Variants in ATP6V0A2 observed in about 807,000 individuals in gnomAD.
ATP6V0A2 encodes V-type proton ATPase 116 kDa subunit a 2.
A neutral mutation model predicts 104.4 loss-of-function variants in ATP6V0A2; 58 were observed. The observed-to-expected ratio is 0.56, with a 90% confidence interval of 0.45 to 0.69. ATP6V0A2 has a LOEUF of 0.69. ATP6V0A2 is among the 30% of genes least tolerant of loss of function. The pLI is 0.00. For synonymous variants in ATP6V0A2, 376 were observed against 397.9 expected, an observed-to-expected ratio of 0.95 and a Z score of 0.65; for missense variants, 938 against 1,062.9, an observed-to-expected ratio of 0.88 and a Z score of 1.63.
chr12:123,723,007 C>T (rs1956415034), intron 3 of ATP6V0A2, among the ~76,000 whole-genome samples: 1 of 152,198 alleles, frequency 6.6e-6, no homozygotes, highest in South Asian at 2.1e-4. Context: ...TGAGAACACT[C>T]ACCTGTGCTG....
chr12:123,748,697 C>T lies in ATP6V0A2; in HGVS notation c.1847C>T (p.Thr616Ile). ...AAGTGGCTGGTTTTTTCAGCAGAAACCTCCAGAGTTGCTCCCAGCATTCTG... is the reference window on the plus strand; with the variant it reads ...AAGTGGCTGGTTTTTTCAGCAGAAATCTCCAGAGTTGCTCCCAGCATTCTG... ...FYKWLVFSAE[T>I]SRVAPSILIE... The change falls in exon 15 of 20, where the codon ACC (threonine) becomes ATC (isoleucine). Residue 616 changes from threonine (T) to isoleucine (I), a missense_variant. By Grantham distance (89) the Thr-to-Ile change is moderately conservative. Coordinates refer to ENST00000330342, the MANE Select transcript of ATP6V0A2 (RefSeq NM_012463.4). 6.2e-7 allele frequency: 1 copy of T among 1,614,144 alleles called. No homozygotes were observed. Among genetic ancestry groups the T allele is most frequent in the Non-Finnish European group, 8.5e-7 (1 of 1,180,006 alleles).
chr12:123,751,092 C>T lies in ATP6V0A2; in HGVS notation c.1936-18C>T. On this transcript the variant is annotated intron_variant, in intron 15 of 19. Transcript: ENST00000330342. ...GCCTTCACGTTTTAATCGGGTTTCT[C>T]ACCTTCTGCACTAACAGGAGTATGT... is the stretch of plus-strand genomic sequence containing the variant. The T allele has an allele frequency of 1.9e-6, 3 of 1,614,068 alleles. No homozygotes were observed. Among genetic ancestry groups the T allele is most frequent in the Middle Eastern group, 1.7e-4 (1 of 6,054 alleles).
chr12:123,756,748 GGTAGCTCACAGA>G, intron 18 of ATP6V0A2, 55 bp from the exon 19 acceptor site: 1 of 1,567,464 alleles, frequency 6.4e-7, no homozygotes, highest in South Asian at 1.1e-5. Flanking sequence ...ACTCAGTCCA[GGTAGCTCACAGA>G]GGGACCCACT....
At chr12:123,751,756 A>G (rs1300475642) in intron 16 of ATP6V0A2, among the ~76,000 whole-genome samples, 1 of 152,026 alleles carries the variant, frequency 6.6e-6, no homozygotes, top group Non-Finnish European at 1.5e-5. Context: ...TAGGGGTTTA[A>G]CTCAGTCCTT....
At chr12:123,747,098 A>G (rs370050501) in intron 13 of ATP6V0A2, among the ~76,000 whole-genome samples, 1 of 152,188 alleles carries the variant, frequency 6.6e-6, no homozygotes, top group African/African-American at 2.4e-5. Context: ...CATGGTCTGG[A>G]GTCCCTCTTG....
Position 123,761,446 on chromosome 12 carries a change from C to A in ATP6V0A2, c.*3414C>A, listed in dbSNP as rs1233470750. On this transcript the variant is annotated 3_prime_UTR_variant, in exon 20 of 20. Coordinates refer to ENST00000330342, the MANE Select transcript of ATP6V0A2 (RefSeq NM_012463.4). ...GAAGGTTATTATGAAGCTGTCAAAT[C>A]AAGATGATGGGAATAAGGCAGTTTG... is the stretch of plus-strand genomic sequence containing the variant. The A allele has an allele frequency of 6.6e-6, 1 of 152,300 alleles. No individual in the cohort carries two copies. The highest frequency in any genetic ancestry group is 1.5e-5 in the Non-Finnish European group (1 of 68,016). The allele number at this position is 152,300 out of a possible 1,614,324, so 9.4% of individuals were successfully genotyped here. A position where few individuals can be genotyped will look rare whatever the true frequency, so the allele number is the denominator to read the frequency against.
At chr12:123,718,758 T>C in intron 2 of ATP6V0A2, 57 bp downstream of exon 2, 1 of 1,271,440 alleles carries the variant, frequency 7.9e-7, no homozygotes, top group East Asian at 2.3e-5. Context: ...AGGCAAACCT[T>C]GTTCGGTTTA....
chr12:123,712,534 A>G lies in ATP6V0A2; in HGVS notation c.-32A>G. On this transcript the variant is annotated 5_prime_UTR_variant, in exon 1 of 20. Coordinates refer to ENST00000330342, the MANE Select transcript of ATP6V0A2 (RefSeq NM_012463.4). The stretch of plus-strand genomic sequence containing the variant: ...GCGCGGCTCGGAGCCGCCGCCGCCC[A>G]TCGAGCCCCTCCGGGCGCGGGTCGG... 2 of 1,522,902 alleles carry G rather than the reference A, an allele frequency of 1.3e-6. No homozygotes were observed. The highest frequency in any genetic ancestry group is 1.8e-6 in the Non-Finnish European group (2 of 1,131,382). 94.3% of individuals were successfully genotyped at this position (1,522,902 alleles called of 1,614,324 possible).
intron 9 of ATP6V0A2, among the ~76,000 whole-genome samples, chr12:123,739,905 A>C (rs1202194393): frequency 1.3e-5 from 2 of 152,036 alleles, no homozygotes; most frequent in Non-Finnish European, 2.9e-5. Context: ...TTTTTAGTTT[A>C]GTTTTTTGTT....
intron 6 of ATP6V0A2, among the ~76,000 whole-genome samples, chr12:123,729,939 C>T (rs1284128546): frequency 4.0e-5 from 6 of 151,688 alleles, no homozygotes; most frequent in South Asian, 2.1e-4. Flanking sequence ...CTCAGCCTCC[C>T]GAGTAGCTGG....
At chr12:123,745,483 G>C (rs937601975) in intron 13 of ATP6V0A2, among the ~76,000 whole-genome samples, 2 of 152,124 alleles carry the variant, frequency 1.3e-5, no homozygotes, top group Non-Finnish European at 2.9e-5. Flanking sequence ...GAGGCGGGCA[G>C]ATCATGAGGT....
rs1047744059 is a variant in ATP6V0A2 at position 123,724,764 on chromosome 12, A to G, written c.405A>G (p.Thr135=). The change falls in exon 4 of 20, where the codon ACA becomes ACG. Residue 135 remains threonine (T), a synonymous_variant. Coordinates refer to ENST00000330342, the MANE Select transcript of ATP6V0A2 (RefSeq NM_012463.4). Reference sequence around the variant, plus strand: ...AGTACACTCACATGCTGAGAGTGACAAAGACCTTTGTGAAACGCAATGTTG... The same window carrying G: ...AGTACACTCACATGCTGAGAGTGACGAAGACCTTTGTGAAACGCAATGTTG... The part of the protein sequence containing the change: ...LIEYTHMLRV[T]KTFVKRNVEF... The G allele has an allele frequency of 1.2e-6, 2 of 1,613,778 alleles. No individual in the cohort carries two copies. The highest frequency in any genetic ancestry group is 1.7e-5 in the Admixed American group (1 of 60,004).
chr12:123,716,306 A>G, intron 1 of ATP6V0A2, among the ~76,000 whole-genome samples: 1 of 152,100 alleles, frequency 6.6e-6, no homozygotes, highest in Admixed American at 6.5e-5. Context: ...ACCTCAAGTC[A>G]TCCCCCCACC....
At chr12:123,753,105 TC>T in intron 17 of ATP6V0A2, among the ~76,000 whole-genome samples, 3 of 150,640 alleles carry the variant, frequency 2.0e-5, no homozygotes, top group African/African-American at 7.3e-5. Flanking sequence ...GCTGCCTGAG[TC>T]CCCTGGACCG....
Position 123,751,866 on chromosome 12 carries a change from T to C in ATP6V0A2, c.2056-417T>C, listed in dbSNP as rs182971431. 3.1e-3 allele frequency among the ~76,000 whole-genome samples: 462 copies of C among 147,534 alleles called. 6 individuals carry two copies. Among genetic ancestry groups the C allele is most frequent in the Admixed American group, 0.027 (393 of 14,732 alleles). Reference sequence around the variant, plus strand: ...TTTTCTTTTCTTTCTTTCTTTCTTTTTTTTTTTTTTTGAGACTGGAGTCTT... The same window carrying C: ...TTTTCTTTTCTTTCTTTCTTTCTTTCTTTTTTTTTTTGAGACTGGAGTCTT... On this transcript the variant is annotated intron_variant, in intron 16 of 19. Coordinates refer to ENST00000330342, the MANE Select transcript of ATP6V0A2 (RefSeq NM_012463.4).
rs1027940039 is a variant in ATP6V0A2 at position 123,744,491 on chromosome 12, G to A, written c.1327-106G>A. On this transcript the variant is annotated intron_variant, in intron 11 of 19. Coordinates refer to ENST00000330342, the MANE Select transcript of ATP6V0A2 (RefSeq NM_012463.4). This position sits in a 1 kb window ranked among gnomAD's most constrained non-coding sequence, Gnocchi z 5.4. ...CGGCTGACAGGGATGTCTGCGGGGCGAGGCTGTTTTCTGAGAAGTGAGTGG... is the reference window on the plus strand; with the variant it reads ...CGGCTGACAGGGATGTCTGCGGGGCAAGGCTGTTTTCTGAGAAGTGAGTGG... 31 of 1,569,632 alleles carry A rather than the reference G, an allele frequency of 2.0e-5. No homozygotes were observed. In the African/African-American group the frequency reaches 2.2e-4, roughly 11 times the overall value.
rs114009690 is a variant in ATP6V0A2, at chr12:123,759,906, G to T, written c.*1874G>T. The T allele has an allele frequency of 6.6e-6, 1 of 152,340 alleles. No individual in the cohort carries two copies. The highest frequency in any genetic ancestry group is 2.4e-5 in the African/African-American group (1 of 41,568). 9.4% of individuals were successfully genotyped at this position (152,340 alleles called of 1,614,324 possible). On this transcript the variant is annotated 3_prime_UTR_variant, in exon 20 of 20. Transcript: ENST00000330342. The stretch of plus-strand genomic sequence containing the variant: ...TGATGCCGATGAAATGCTTGAAAAT[G>T]ATTCTGCTCTCAAAGTTATGCTTCC...
intron 9 of ATP6V0A2, among the ~76,000 whole-genome samples, chr12:123,741,105 C>A (rs1434544917): frequency 6.6e-6 from 1 of 152,096 alleles, no homozygotes; most frequent in Non-Finnish European, 1.5e-5. Flanking sequence ...TAAGATTGGG[C>A]TTCTCCCTCC....
intron 13 of ATP6V0A2, among the ~76,000 whole-genome samples, chr12:123,746,639 T>TAAAAAAA (rs760374381): frequency 2.4e-5 from 2 of 83,604 alleles, no homozygotes; most frequent in Non-Finnish European, 4.6e-5. Context: ...CCCCTTACCT[T>TAAAAAAA]AAAAAAAAAA....
Sources: allele counts gnomAD v4.1 joint callset (sites outside exome capture counted in the v4.1 genomes callset), GRCh38; gene constraint gnomAD v4.1.1; non-coding constraint Gnocchi (gnomAD v3.1); transcripts MANE v1.5; gene names NCBI Gene and HGNC (gene_info 2026-07-23, HGNC 2026-07-21).